The following TLK1 variants were observed in gnomAD, a reference collection of about 807,000 sequenced individuals.
TLK1 encodes the protein tousled like kinase 1.
TLK1 carries 24 observed loss-of-function variants against 105.3 expected under a neutral mutation model. The observed-to-expected ratio is 0.23, with a 90% confidence interval of 0.17 to 0.32. TLK1 has a LOEUF of 0.32. Among genes scored for constraint, TLK1 ranks in the 10% least tolerant of loss-of-function variants. The probability of loss-of-function intolerance (pLI) is 1.00; values close to 1 mark genes in which losing one functional copy is unlikely to be tolerated. For synonymous variants in TLK1, 321 were observed against 310.4 expected (o/e 1.03, Z -0.36); for missense variants, 558 against 910.5 (o/e 0.61, Z 4.98).
chr2:171,109,866 A>T (rs1690086023), intron 2 of TLK1, among the ~76,000 whole-genome samples: 1 of 152,244 alleles, frequency 6.6e-6, no homozygotes, highest in South Asian at 2.1e-4. Context: ...TAAATAAAGG[A>T]TGCCAGATAC....
At chr2:171,143,260 T>C (rs1691657587) in intron 1 of TLK1, among the ~76,000 whole-genome samples, 1 of 152,054 alleles carries the variant, frequency 6.6e-6, no homozygotes, top group Non-Finnish European at 1.5e-5. Context: ...AAAAGATACA[T>C]TTGGGAGGCC....
intron 1 of TLK1, among the ~76,000 whole-genome samples, chr2:171,138,084 C>A (rs1691411930): frequency 6.6e-6 from 1 of 152,034 alleles, no homozygotes; most frequent in South Asian, 2.1e-4. Context: ...AAAAAGTTTG[C>A]ATCACTTTTA....
chr2:171,229,809 C>G (rs1247042774), intron 1 of TLK1, among the ~76,000 whole-genome samples: 1 of 152,182 alleles, frequency 6.6e-6, no homozygotes, highest in African/African-American at 2.4e-5. Flanking sequence ...ACTAGGCATG[C>G]TGTGCCATCT....
chr2:171,135,343 A>C (rs928815315), intron 1 of TLK1, among the ~76,000 whole-genome samples: 8 of 150,218 alleles, frequency 5.3e-5, no homozygotes, highest in African/African-American at 1.2e-4. Context: ...ATATATATAT[A>C]TCAAAACATG....
intron 18 of TLK1, among the ~76,000 whole-genome samples, chr2:171,004,564 T>C (rs1178942240): frequency 6.6e-6 from 1 of 152,184 alleles, no homozygotes; most frequent in African/African-American, 2.4e-5. Context: ...AAGCTCTTTG[T>C]CCCTCGAACA....
In TLK1 at chr2:171,050,060, C is replaced by T; in HGVS notation, c.843+4G>A. 1 of 1,604,010 alleles carries T rather than the reference C, an allele frequency of 6.2e-7. No homozygotes were observed. Among genetic ancestry groups the T allele is most frequent in the East Asian group, 2.2e-5 (1 of 44,682 alleles). ...AGCGAAAATTTACTCAACTTTTAGCCTACCTTTTCAATAAGAAGTTTCTTG... is the reference window on the plus strand; with the variant it reads ...AGCGAAAATTTACTCAACTTTTAGCTTACCTTTTCAATAAGAAGTTTCTTG... On this transcript the variant is annotated splice_donor_region_variant and intron_variant, in intron 9 of 20. Transcript: ENST00000431350.
chr2:171,118,324 C>A (rs542710555), intron 1 of TLK1, among the ~76,000 whole-genome samples: 1 of 152,248 alleles, frequency 6.6e-6, no homozygotes, highest in African/African-American at 2.4e-5. Context: ...ATGTAATCTC[C>A]CTATTCTGAG....
chr2:171,163,374 A>G (rs1186454178), upstream of TLK1, among the ~76,000 whole-genome samples: 3 of 152,230 alleles, frequency 2.0e-5, no homozygotes, highest in East Asian at 5.8e-4. Flanking sequence ...ATACCTAAAT[A>G]CATGCACTAT....
At chr2:171,155,270 T>C in intron 1 of TLK1, among the ~76,000 whole-genome samples, 1 of 152,178 alleles carries the variant, frequency 6.6e-6, no homozygotes, top group Non-Finnish European at 1.5e-5. Context: ...CCCCATAGTA[T>C]TCTAAAATTC....
intron 2 of TLK1, among the ~76,000 whole-genome samples, chr2:171,083,514 A>G (rs1688839021): frequency 6.6e-6 from 1 of 152,140 alleles, no homozygotes; most frequent in Non-Finnish European, 1.5e-5. Flanking sequence ...TATCTTGTGC[A>G]CTTTTTTGTA....
intron 1 of TLK1, among the ~76,000 whole-genome samples, chr2:171,176,477 T>C (rs1432845368): frequency 6.6e-6 from 1 of 152,150 alleles, no homozygotes; most frequent in Non-Finnish European, 1.5e-5. Flanking sequence ...CTTTCCCCAG[T>C]TTTCCCATCT....
At chr2:171,106,031 A>G (rs1337349163) in intron 2 of TLK1, among the ~76,000 whole-genome samples, 1 of 152,268 alleles carries the variant, frequency 6.6e-6, no homozygotes, top group African/African-American at 2.4e-5. Context: ...CACCATTAAA[A>G]AAATTTCTCT....
At chr2:171,117,059 CT>C (rs755873096) in intron 2 of TLK1, among the ~76,000 whole-genome samples, 11 of 152,138 alleles carry the variant, frequency 7.2e-5, no homozygotes, top group Non-Finnish European at 1.5e-4. Flanking sequence ...AATACCTAAT[CT>C]TTTTGGCACC....
intron 3 of TLK1, among the ~76,000 whole-genome samples, chr2:171,078,898 T>G (rs1464996627): frequency 6.6e-6 from 1 of 152,218 alleles, no homozygotes; most frequent in Non-Finnish European, 1.5e-5. Context: ...GTGGGAGCCT[T>G]TCACCTCTAC....
chr2:171,186,953 G>C (rs1394065342), intron 1 of TLK1, among the ~76,000 whole-genome samples: 1 of 150,082 alleles, frequency 6.7e-6, no homozygotes, highest in Non-Finnish European at 1.5e-5. Context: ...AGCTACTCGG[G>C]AGGCTGAGGC....
upstream of TLK1, among the ~76,000 whole-genome samples, chr2:171,163,740 A>G (rs1456160772): frequency 6.6e-6 from 1 of 151,832 alleles, no homozygotes; most frequent in Non-Finnish European, 1.5e-5. Flanking sequence ...GCCAATTCAT[A>G]GTACTTTTTT....
At chr2:171,148,795 A>C (rs1455106727) in intron 1 of TLK1, among the ~76,000 whole-genome samples, 1 of 150,926 alleles carries the variant, frequency 6.6e-6, no homozygotes, top group Non-Finnish European at 1.5e-5. Context: ...TGTGAGAATC[A>C]TTTGAACCCT....
chr2:171,144,505 C>T, intron 1 of TLK1, among the ~76,000 whole-genome samples: 1 of 151,888 alleles, frequency 6.6e-6, no homozygotes, highest in African/African-American at 2.4e-5. Context: ...TAAATTAGAA[C>T]TCAGTAACAG....
intron 1 of TLK1, among the ~76,000 whole-genome samples, chr2:171,211,769 C>T (rs1442687224): frequency 1.3e-5 from 2 of 151,622 alleles, no homozygotes; most frequent in Non-Finnish European, 2.9e-5. Flanking sequence ...AGACTGGTCT[C>T]GAACTCCTGA....
Sources: gnomAD v4.1 joint callset for allele counts (sites outside exome capture counted in the v4.1 genomes callset) on GRCh38, gnomAD v4.1.1 for gene constraint, MANE v1.5 for transcripts, NCBI Gene and HGNC (gene_info 2026-07-23, HGNC 2026-07-21) for gene names.